The following CSMD3 variants were observed in gnomAD, a reference collection of about 807,000 sequenced individuals.
CSMD3 encodes CUB and sushi domain-containing protein 3.
Under a neutral mutation model 435.2 loss-of-function variants are expected in CSMD3, and 177 were observed. The ratio of observed to expected loss-of-function variants is 0.41; its 90% CI spans 0.36 to 0.46. The LOEUF (loss-of-function observed/expected upper bound fraction) is 0.46, where lower values mean the gene tolerates loss of function less well. Among genes scored for constraint, CSMD3 ranks in the 20% least tolerant of loss-of-function variants. CSMD3 has a pLI of 0.34. For synonymous variants in CSMD3, 1,656 were observed against 1,520.5 expected, an observed-to-expected ratio of 1.09 and a Z score of -2.07; for missense variants, 4,265 against 4,504.6, an observed-to-expected ratio of 0.95 and a Z score of 1.52.
intron 6 of CSMD3, among the ~76,000 whole-genome samples, chr8:112,997,857 T>C (rs2085713104): frequency 1.3e-5 from 1 of 79,782 alleles, no homozygotes; most frequent in African/African-American, 7.3e-5. Flanking sequence ...TACATGTATA[T>C]GTGTGTATAT....
chr8:113,393,107 G>A (rs541043207), intron 1 of CSMD3, among the ~76,000 whole-genome samples: 1 of 151,734 alleles, frequency 6.6e-6, no homozygotes, highest in Non-Finnish European at 1.5e-5. Context: ...GCTCACATAA[G>A]CATGCTTCAA....
At chr8:112,468,232 G>GTGTTTTTTTTTTTTTTTTTTTTT in intron 32 of CSMD3, among the ~76,000 whole-genome samples, 1 of 114,882 alleles carries the variant, frequency 8.7e-6, no homozygotes. Flanking sequence ...ATTGCCTAAA[G>GTGTTTTTTTTTTTTTTTTTTTTT]TATTTTTTTT....
intron 36 of CSMD3, among the ~76,000 whole-genome samples, chr8:112,387,546 C>G (rs1830084196): frequency 6.7e-6 from 1 of 148,836 alleles, no homozygotes. Flanking sequence ...AAACTAGCAT[C>G]CATGTAAATG....
chr8:112,822,464 G>A (rs2132440588), intron 12 of CSMD3, among the ~76,000 whole-genome samples: 1 of 152,030 alleles, frequency 6.6e-6, no homozygotes, highest in Middle Eastern at 3.4e-3. Context: ...GTCTATTGTT[G>A]GCGTATAGGA....
intron 9 of CSMD3, among the ~76,000 whole-genome samples, chr8:112,926,263 T>C (rs1423060442): frequency 7.4e-6 from 1 of 134,550 alleles, no homozygotes; most frequent in Admixed American, 7.4e-5. Context: ...TGTGTGAGCG[T>C]GTGTGTGTTT....
At chr8:112,877,335 G>A (rs546335415) in intron 10 of CSMD3, among the ~76,000 whole-genome samples, 2 of 151,540 alleles carry the variant, frequency 1.3e-5, no homozygotes, top group African/African-American at 2.4e-5. Context: ...GTGTGATATC[G>A]GCTCACTGCA....
intron 5 of CSMD3, among the ~76,000 whole-genome samples, chr8:113,031,032 T>G (rs2087087195): frequency 6.6e-6 from 1 of 151,628 alleles, no homozygotes; most frequent in African/African-American, 2.4e-5. Context: ...GAACCACTCA[T>G]ATAATGCTAG....
intron 2 of CSMD3, among the ~76,000 whole-genome samples, chr8:113,301,399 T>C (rs970182199): frequency 3.2e-4 from 48 of 152,242 alleles, no homozygotes; most frequent in African/African-American, 1.1e-3. Context: ...ATAAATATAT[T>C]ATGGCAATGA....
At chr8:112,990,620 G>A (rs1164150591) in intron 6 of CSMD3, among the ~76,000 whole-genome samples, 1 of 151,866 alleles carries the variant, frequency 6.6e-6, no homozygotes, top group Non-Finnish European at 1.5e-5. Context: ...GGCCTGTATT[G>A]TAAACACCCT....
At chr8:112,605,139 G>A (rs1832691374) in intron 22 of CSMD3, among the ~76,000 whole-genome samples, 1 of 152,142 alleles carries the variant, frequency 6.6e-6, no homozygotes, top group African/African-American at 2.4e-5. Flanking sequence ...ATGGATGCTG[G>A]TGATGCTTTA....
At chr8:113,330,154 A>G (rs2094016524) in intron 1 of CSMD3, among the ~76,000 whole-genome samples, 1 of 152,130 alleles carries the variant, frequency 6.6e-6, no homozygotes, top group Admixed American at 6.5e-5. Flanking sequence ...ATAACATTTA[A>G]TAATAAAATG....
At chr8:112,255,595 T>C (rs1192894718) in intron 61 of CSMD3, 168 bp from the exon 62 acceptor site, 3 of 631,330 alleles carry the variant, frequency 4.8e-6, no homozygotes, top group Non-Finnish European at 5.5e-6. Flanking sequence ...TGCAGATAAA[T>C]ACTGAATTGA....
chr8:112,723,782 A>C (rs191177208), intron 13 of CSMD3, among the ~76,000 whole-genome samples: 1 of 152,270 alleles, frequency 6.6e-6, no homozygotes, highest in African/African-American at 2.4e-5. Flanking sequence ...AAGAGGAAAC[A>C]AAATAGCTAC....
chr8:112,631,125 A>T (rs1342542188), intron 22 of CSMD3, among the ~76,000 whole-genome samples: 1 of 152,122 alleles, frequency 6.6e-6, no homozygotes, highest in Non-Finnish European at 1.5e-5. Context: ...AGGATCAATG[A>T]CTAAGAAATG....
intron 10 of CSMD3, among the ~76,000 whole-genome samples, chr8:112,871,194 T>C (rs1460499464): frequency 2.0e-5 from 3 of 152,170 alleles, no homozygotes. Context: ...TGTATACTCT[T>C]TGAATGTAAA....
chr8:113,282,731 CA>C (rs964726823), intron 2 of CSMD3, among the ~76,000 whole-genome samples: 1 of 151,874 alleles, frequency 6.6e-6, no homozygotes, highest in African/African-American at 2.4e-5. Context: ...TAGAAAAAAA[CA>C]ATTCTAAAAT....
intron 59 of CSMD3, among the ~76,000 whole-genome samples, chr8:112,272,700 T>C (rs943424795): frequency 2.6e-5 from 4 of 152,156 alleles, no homozygotes; most frequent in African/African-American, 9.7e-5. Flanking sequence ...CTACCAATCA[T>C]ATATTTAAAT....
intron 3 of CSMD3, among the ~76,000 whole-genome samples, chr8:113,211,168 A>G (rs952224752): frequency 2.0e-5 from 3 of 152,282 alleles, no homozygotes; most frequent in Middle Eastern, 3.4e-3. Flanking sequence ...AAGACACAAA[A>G]TTATATGTAA....
chr8:112,854,427 T>G, intron 11 of CSMD3, among the ~76,000 whole-genome samples: 1 of 152,128 alleles, frequency 6.6e-6, no homozygotes, highest in Non-Finnish European at 1.5e-5. Flanking sequence ...ATGGCTAACA[T>G]ATCCAAGACT....
Sources: allele counts gnomAD v4.1 joint callset (sites outside exome capture counted in the v4.1 genomes callset), GRCh38; gene constraint gnomAD v4.1.1; transcripts MANE v1.5; gene names NCBI Gene and HGNC (gene_info 2026-07-23, HGNC 2026-07-21).